The following FXYD2 variants were observed in gnomAD, a reference collection of about 807,000 sequenced individuals.
FXYD2 encodes FXYD domain containing ion transport regulator 2.
Under a neutral mutation model 11.8 loss-of-function variants are expected in FXYD2, and 8 were observed. The observed-to-expected ratio is 0.68, with a 90% CI of 0.40 to 1.22. The LOEUF (loss-of-function observed/expected upper bound fraction) is 1.22. Among genes scored for constraint, FXYD2 ranks in the 50% most tolerant of loss-of-function variants. The pLI is 0.01. For missense variants in FXYD2, 92 were observed against 91.8 expected, an observed-to-expected ratio of 1.00 and a Z score of -0.01; for synonymous variants, 42 against 33.3, an observed-to-expected ratio of 1.26 and a Z score of -0.90.
Position 117,824,332 on chromosome 11 carries a change from C to T in FXYD2, c.25+322G>A, listed in dbSNP as rs181523871. 2.5e-3 allele frequency: 1,201 copies of T among 478,446 alleles called. 21 individuals carry two copies. Among genetic ancestry groups the T allele is most frequent in the East Asian group, 4.9e-4 (13 of 26,444 alleles). The allele number at this position is 478,446 out of a possible 1,614,324, so 29.6% of individuals were successfully genotyped here. A position where few individuals can be genotyped will look rare whatever the true frequency, so the allele number is the denominator to read the frequency against. On this transcript the variant is annotated intron_variant, in intron 1 of 5. Coordinates refer to ENST00000292079, the MANE Select transcript of FXYD2 (RefSeq NM_001680.5). The surrounding 1 kb of genome is among the most constrained non-coding windows in gnomAD (Gnocchi z 4.0). ...AGCCAGATGGACGCCGTCTGCCTCC[C>T]GCCCAAGTTCAGACGGTCTAGCAAG...
chr11:117,827,902 T>C (rs1403378262), upstream of FXYD2: 3 of 865,212 alleles, frequency 3.5e-6, no homozygotes, highest in Non-Finnish European at 5.8e-6. Context: ...TTCCTGCACT[T>C]CTGGGGAGCT....
At chr11:117,821,751 C>A (rs1196729357) in intron 3 of FXYD2, 41 of 986,706 alleles carry the variant, frequency 4.2e-5, no homozygotes, top group Non-Finnish European at 4.8e-5. Flanking sequence ...AATGGGGAGA[C>A]CCGCAGGACT....
upstream of FXYD2, among the ~76,000 whole-genome samples, chr11:117,825,416 G>T: frequency 6.6e-6 from 1 of 152,202 alleles, no homozygotes; most frequent in Non-Finnish European, 1.5e-5. Context: ...CTCTCGGATT[G>T]TGTCCTTGCC....
chr11:117,821,454 G>T, intron 3 of FXYD2: 2 of 986,572 alleles, frequency 2.0e-6, no homozygotes, highest in East Asian at 1.1e-4. Context: ...ATCCACGGTG[G>T]TCTGTTGGCA....
rs771733437 is a variant in FXYD2 at position 117,824,656 on chromosome 11, C to T, written c.23G>A (p.Gly8Asp). The T allele has an allele frequency of 4.6e-5, 75 of 1,613,720 alleles. No individual in the cohort carries two copies. The highest frequency in any genetic ancestry group is 5.5e-5 in the Non-Finnish European group (65 of 1,179,672). MTGLSMD[G>D]GGSPKGDVDP... ...GGCACGCACACCAGCACACTCACCA[C>T]CGTCCATCGACAACCCAGTCATTTC... Residue 8 changes from glycine (G) to aspartate (D), a missense_variant and splice_region_variant, in exon 1 of 6, where the codon GGT becomes GAT. By Grantham distance (94) the Gly-to-Asp change is moderately conservative (BLOSUM62 -1). Coordinates refer to ENST00000292079, the MANE Select transcript of FXYD2 (RefSeq NM_001680.5). This position sits in a 1 kb window ranked among gnomAD's most constrained non-coding sequence, Gnocchi z 4.0.
chr11:117,824,283 A>G lies in FXYD2; in HGVS notation c.25+371T>C, dbSNP rs915256394. On this transcript the variant is annotated intron_variant, in intron 1 of 5. Coordinates refer to ENST00000292079, the MANE Select transcript of FXYD2 (RefSeq NM_001680.5). The surrounding 1 kb of genome is among the most constrained non-coding windows in gnomAD (Gnocchi z 4.0). ...CCCCAAATCCAGCCTAGGAAGGCTGACCAGAGGGGCCTGCTCCTTCCCCAG... is the reference window on the plus strand; with the variant it reads ...CCCCAAATCCAGCCTAGGAAGGCTGGCCAGAGGGGCCTGCTCCTTCCCCAG... 59 of 381,400 alleles carry G rather than the reference A, an allele frequency of 1.5e-4. No homozygotes were observed. The highest frequency in any genetic ancestry group is 1.1e-3 in the African/African-American group (56 of 49,214). The allele number at this position is 381,400 out of a possible 1,614,324, so 23.6% of individuals were successfully genotyped here.
At chr11:117,827,066 G>A (rs1376374806), upstream of FXYD2, among the ~76,000 whole-genome samples, 1 of 147,232 alleles carries the variant, frequency 6.8e-6, no homozygotes, top group Non-Finnish European at 1.5e-5. Context: ...ACAGATGGAT[G>A]GATAGATAGA....
In FXYD2 at chr11:117,824,504, A is replaced by C. The variant is rs2055992484; in HGVS notation, c.25+150T>G. On this transcript the variant is annotated intron_variant, in intron 1 of 5. Coordinates refer to ENST00000292079, the MANE Select transcript of FXYD2 (RefSeq NM_001680.5). The surrounding 1 kb of genome is among the most constrained non-coding windows in gnomAD (Gnocchi z 4.0). ...TCCTTTAAGTTGCAAATTTTCTTAG[A>C]GAGGAGGCCGACAGGAAGAGGGGCT... The C allele has an allele frequency of 1.4e-6, 1 of 715,522 alleles. No homozygotes were observed. Among genetic ancestry groups the C allele is most frequent in the East Asian group, 2.7e-5 (1 of 37,086 alleles). The allele number at this position is 715,522 out of a possible 1,614,324, so 44.3% of individuals were successfully genotyped here.
intron 3 of FXYD2, chr11:117,821,996 C>T (rs2055917222): frequency 2.6e-6 from 3 of 1,156,224 alleles, no homozygotes; most frequent in Non-Finnish European, 3.2e-6. Context: ...TGCACTGGAC[C>T]GTTCTCAGAG....
At chr11:117,823,293 G>A (rs536330745) in intron 1 of FXYD2, among the ~76,000 whole-genome samples, 3 of 152,276 alleles carry the variant, frequency 2.0e-5, no homozygotes, top group East Asian at 3.9e-4. Flanking sequence ...GTCAGGCACC[G>A]GGCAAAAACT....
In FXYD2 at chr11:117,824,567, A is replaced by G; in HGVS notation, c.25+87T>C. 1 of 1,043,558 alleles carries G rather than the reference A, an allele frequency of 9.6e-7. No homozygotes were observed. The highest frequency in any genetic ancestry group is 2.4e-5 in the East Asian group (1 of 41,380). 64.6% of individuals were successfully genotyped at this position (1,043,558 alleles called of 1,614,324 possible). A position where few individuals can be genotyped will look rare whatever the true frequency, so the allele number is the denominator to read the frequency against. On this transcript the variant is annotated intron_variant, in intron 1 of 5. Transcript: ENST00000292079. The surrounding 1 kb of genome is among the most constrained non-coding windows in gnomAD (Gnocchi z 4.0). ...AGGCTGAGGTGGCAGGAGAGGGAAG[A>G]GTAGGGTCCAGCTGACCCCACAAAG...
In FXYD2 at chr11:117,822,757, T is replaced by C; in HGVS notation, c.26-40A>G. 2 of 1,597,866 alleles carry C rather than the reference T, an allele frequency of 1.3e-6. No individual in the cohort carries two copies. Among genetic ancestry groups the C allele is most frequent in the Non-Finnish European group, 1.7e-6 (2 of 1,175,064 alleles). On this transcript the variant is annotated intron_variant, in intron 1 of 5. Transcript: ENST00000292079. This position sits in a 1 kb window ranked among gnomAD's most constrained non-coding sequence, Gnocchi z 4.7. ...GAGGTGGGATGAGAGGAGTCACCGA[T>C]GGTGAGCCAGCCACAGGAACAGCTG...
Position 117,822,128 on chromosome 11 carries a change from C to A in FXYD2, c.139+278G>T. ...GCAGCGGGGGGCCTAGTCCCCCTGT[C>A]TGGCCCTCCGGTTACCCAGTTACCC... is the stretch of plus-strand genomic sequence containing the variant. On this transcript the variant is annotated intron_variant, in intron 3 of 5. Coordinates refer to ENST00000292079, the MANE Select transcript of FXYD2 (RefSeq NM_001680.5). The surrounding 1 kb of genome is among the most constrained non-coding windows in gnomAD (Gnocchi z 4.7). The A allele has an allele frequency of 7.3e-7, 1 of 1,378,530 alleles. No individual in the cohort carries two copies. The highest frequency in any genetic ancestry group is 9.4e-7 in the Non-Finnish European group (1 of 1,062,462). 85.4% of individuals were successfully genotyped at this position (1,378,530 alleles called of 1,614,324 possible).
chr11:117,825,300 C>T (rs902714297), upstream of FXYD2, among the ~76,000 whole-genome samples: 3 of 152,232 alleles, frequency 2.0e-5, no homozygotes, highest in East Asian at 1.9e-4. Flanking sequence ...CACCCATCAA[C>T]GTGCACCCTG....
chr11:117,820,678 C>T lies in FXYD2; in HGVS notation c.195G>A (p.Glu65=), dbSNP rs144519777. The change falls in exon 5 of 6, where the codon GAG becomes GAA. Residue 65 remains glutamate, a synonymous_variant. Transcript: ENST00000292079. ...CCTCCTAGCATACCTGCTGTTACGG[C>T]TCATCTTCATTGATTTGCCTGGTGG... ...NKKRRQINED[E]P is the part of the protein sequence containing the mutation. 6.3e-3 allele frequency: 10,132 copies of T among 1,614,038 alleles called. 97 individuals carry two copies. The highest frequency in any genetic ancestry group is 0.022 in the South Asian group (2,040 of 91,080).
rs1248352828 is a variant in FXYD2, at chr11:117,820,509, C to G, written c.*7-137G>C. 4.7e-5 allele frequency: 41 copies of G among 879,926 alleles called. No individual in the cohort carries two copies. In the South Asian group the frequency reaches 5.7e-4, roughly 12 times the overall value. The allele number at this position is 879,926 out of a possible 1,614,324, so 54.5% of individuals were successfully genotyped here. On this transcript the variant is annotated intron_variant, in intron 5 of 5. Coordinates refer to ENST00000292079, the MANE Select transcript of FXYD2 (RefSeq NM_001680.5). ...CACACACTCCACGCCAGGCCCTTGG[C>G]CATCATTTTAAACACACGATGGGTG...
Position 117,820,706 on chromosome 11 carries a change from G to T in FXYD2, c.177-10C>A. ...ATCTTCATTGATTTGCCTGGTGGGGGAAGGAAAAGCAACAGGTGAGAGGGC... is the reference window on the plus strand; with the variant it reads ...ATCTTCATTGATTTGCCTGGTGGGGTAAGGAAAAGCAACAGGTGAGAGGGC... On this transcript the variant is annotated splice_polypyrimidine_tract_variant and intron_variant, in intron 4 of 5. Transcript: ENST00000292079. The T allele has an allele frequency of 1.2e-6, 2 of 1,614,016 alleles. No homozygotes were observed. Among genetic ancestry groups the T allele is most frequent in the Non-Finnish European group, 1.7e-6 (2 of 1,180,012 alleles).
Position 117,821,646 on chromosome 11 carries a change from T to A in FXYD2, c.140-751A>T, listed in dbSNP as rs372983493. ...CCTCCGGGAGCTGCCACGGGCAACATGTGAAAATGGGGAGACCTGCAGGAC... is the reference window on the plus strand; with the variant it reads ...CCTCCGGGAGCTGCCACGGGCAACAAGTGAAAATGGGGAGACCTGCAGGAC... On this transcript the variant is annotated intron_variant, in intron 3 of 5. Coordinates refer to ENST00000292079, the MANE Select transcript of FXYD2 (RefSeq NM_001680.5). 7.1e-6 allele frequency: 7 copies of A among 984,694 alleles called. No homozygotes were observed. The South Asian group carries it at 2.8e-4, about 40-fold the overall frequency. 61.0% of individuals were successfully genotyped at this position (984,694 alleles called of 1,614,324 possible).
At chr11:117,821,024 C>T (rs899850146) in intron 3 of FXYD2, 129 bp from the exon 4 acceptor site, 1 of 1,143,766 alleles carries the variant, frequency 8.7e-7, no homozygotes, top group Non-Finnish European at 1.3e-6. Context: ...GCTTGGAGGC[C>T]ACGTTTGACT....
Sources: allele counts gnomAD v4.1 joint callset (sites outside exome capture counted in the v4.1 genomes callset), GRCh38; gene constraint gnomAD v4.1.1; non-coding constraint Gnocchi (gnomAD v3.1); transcripts MANE v1.5; gene names NCBI Gene and HGNC (gene_info 2026-07-23, HGNC 2026-07-21).